ABCA4: variants seen among roughly 807,000 people sequenced by gnomAD.
ABCA4 encodes the protein retinal-specific phospholipid-transporting ATPase ABCA4.
A neutral mutation model predicts 263.7 loss-of-function variants in ABCA4; 196 were observed. The ratio of observed to expected loss-of-function variants is 0.74; its 90% CI spans 0.66 to 0.84. ABCA4 has a LOEUF of 0.84. ABCA4 is among the 40% of genes least tolerant of loss of function. ABCA4 has a pLI of 0.00. For missense variants in ABCA4, 2,792 were observed against 2,855.1 expected (o/e 0.98, Z 0.50); for synonymous variants, 1,133 against 1,094.2 (o/e 1.04, Z -0.70).
intron 6 of ABCA4, among the ~76,000 whole-genome samples, chr1:94,085,417 C>T (rs1264183963): frequency 1.3e-5 from 2 of 152,294 alleles, no homozygotes; most frequent in Middle Eastern, 3.4e-3. Context: ...AATAAATTGT[C>T]GAATGAGCAA....
intron 26 of ABCA4, among the ~76,000 whole-genome samples, chr1:94,036,526 G>A (rs577953865): frequency 2.6e-5 from 4 of 151,914 alleles, no homozygotes; most frequent in Non-Finnish European, 5.9e-5. Flanking sequence ...ACAGGTGCGC[G>A]CCACCACACC....
chr1:94,042,716 G>T lies in ABCA4; in HGVS notation c.3328+45C>A. On this transcript the variant is annotated intron_variant, in intron 22 of 49. Coordinates refer to ENST00000370225, the MANE Select transcript of ABCA4 (RefSeq NM_000350.3). ...TGAGAGAGTGGGGACCACAGCTAGG[G>T]CTGCAGTGAGAGCCCAGCCCAGGAG... 3 of 1,613,792 alleles carry T rather than the reference G, an allele frequency of 1.9e-6. No homozygotes were observed. The South Asian group carries it at 3.3e-5, about 18-fold the overall frequency.
In ABCA4 at chr1:94,077,819, A is replaced by G. The variant is rs1202256523; in HGVS notation, c.1425T>C (p.Ala475=). 3 of 1,614,222 alleles carry G rather than the reference A, an allele frequency of 1.9e-6. No homozygotes were observed. The change falls in exon 11 of 50, where the codon GCT becomes GCC. Residue 475 remains alanine, a synonymous_variant. Transcript: ENST00000370225. ...NRQLGEEGIT[A]EAILNFLYKG... ...TGTAGAGGAAGTTTAGGATGGCTTC[A>G]GCAGTAATACCTTCTTCACCAAGCT...
chr1:94,030,086 G>A (rs769586629), intron 29 of ABCA4, among the ~76,000 whole-genome samples: 3 of 152,186 alleles, frequency 2.0e-5, no homozygotes, highest in Non-Finnish European at 4.4e-5. Flanking sequence ...TGTCACTCAC[G>A]CCATTCAAGG....
chr1:94,002,027 C>G (rs1229311951), intron 44 of ABCA4, 35 bp from the exon 45 acceptor site: 6 of 1,614,002 alleles, frequency 3.7e-6, no homozygotes, highest in Non-Finnish European at 4.2e-6. Flanking sequence ...TTGGAGAAGA[C>G]AAGCAAACAC....
At chr1:94,120,383 T>A (rs1662916070) in intron 1 of ABCA4, among the ~76,000 whole-genome samples, 1 of 152,198 alleles carries the variant, frequency 6.6e-6, no homozygotes, top group African/African-American at 2.4e-5. Context: ...ACGTATTGCA[T>A]CTCACAGAAT....
chr1:94,042,067 C>G (rs536328515), intron 22 of ABCA4, among the ~76,000 whole-genome samples: 1 of 142,242 alleles, frequency 7.0e-6, no homozygotes, highest in Non-Finnish European at 1.5e-5. Context: ...CCACTGCACT[C>G]CAGCCTGCGC....
At chr1:93,993,346 G>T in intron 49 of ABCA4, 104 bp from the exon 50 acceptor site, 1 of 1,464,470 alleles carries the variant, frequency 6.8e-7, no homozygotes, top group Non-Finnish European at 9.5e-7. Context: ...TTTCTGAAGG[G>T]CACTCAGCTG....
In ABCA4 at chr1:94,099,724, A is replaced by T. The variant is rs149649475; in HGVS notation, c.571-733T>A. Reference sequence around the variant, plus strand: ...TAGTACAAATATGTCCCAAATAGGGACCGAATAGAACACAATTATTTGAAA... The same window carrying T: ...TAGTACAAATATGTCCCAAATAGGGTCCGAATAGAACACAATTATTTGAAA... On this transcript the variant is annotated intron_variant, in intron 5 of 49. Coordinates refer to ENST00000370225, the MANE Select transcript of ABCA4 (RefSeq NM_000350.3). Among the ~76,000 whole-genome samples the T allele has an allele frequency of 3.0e-4, 45 of 152,282 alleles. 1 individual carries two copies. The highest frequency in any genetic ancestry group is 3.4e-3 in the Middle Eastern group (1 of 294).
In ABCA4 at chr1:94,060,654, T is replaced by A; in HGVS notation, c.2043A>T (p.Arg681=). ...CCTGATTTTTCAAGGTCTCCTTCAG[T>A]CGCAACTCCTTCTCCAAGACGATGC... ...VKSIVLEKEL[R]LKETLKNQGV... Residue 681 remains arginine, a synonymous_variant, in exon 14 of 50, where the codon CGA becomes CGT. Transcript: ENST00000370225. The A allele has an allele frequency of 6.2e-7, 1 of 1,614,130 alleles. No homozygotes were observed. Among genetic ancestry groups the A allele is most frequent in the South Asian group, 1.1e-5 (1 of 91,072 alleles).
chr1:94,099,866 T>G (rs1203276201), intron 5 of ABCA4, among the ~76,000 whole-genome samples: 1 of 152,186 alleles, frequency 6.6e-6, no homozygotes, highest in African/African-American at 2.4e-5. Context: ...AGCTCAAGGA[T>G]AGTGGTTCTT....
intron 6 of ABCA4, among the ~76,000 whole-genome samples, chr1:94,084,264 G>A (rs1661778125): frequency 6.6e-6 from 1 of 152,238 alleles, no homozygotes; most frequent in Non-Finnish European, 1.5e-5. Flanking sequence ...AAAGACAGTG[G>A]TTTTCCAACT....
At chr1:93,999,748 A>G (rs1483271901) in intron 47 of ABCA4, among the ~76,000 whole-genome samples, 1 of 152,036 alleles carries the variant, frequency 6.6e-6, no homozygotes, top group Non-Finnish European at 1.5e-5. Context: ...CAGAAAACTC[A>G]CCATCCCTCC....
At chr1:94,015,023 C>T (rs150646527) in intron 37 of ABCA4, among the ~76,000 whole-genome samples, 26 of 152,260 alleles carry the variant, frequency 1.7e-4, no homozygotes, top group African/African-American at 6.3e-4. Flanking sequence ...TCAGCAAAGC[C>T]CAGCTGAGGT....
intron 5 of ABCA4, 124 bp downstream of exon 5, chr1:94,102,891 A>T: frequency 7.3e-7 from 1 of 1,360,628 alleles, no homozygotes; most frequent in Non-Finnish European, 1.0e-6. Context: ...ACAAGGCATT[A>T]AGTGATGGAT....
chr1:94,014,973 A>T (rs3818778), intron 37 of ABCA4, among the ~76,000 whole-genome samples: 1 of 152,052 alleles, frequency 6.6e-6, no homozygotes, highest in East Asian at 1.9e-4. Context: ...AATTCATAGG[A>T]GGGTTCTCCA....
chr1:94,076,755 A>G (rs1396275286), intron 11 of ABCA4, among the ~76,000 whole-genome samples: 1 of 152,210 alleles, frequency 6.6e-6, no homozygotes, highest in African/African-American at 2.4e-5. Flanking sequence ...GCCTGGGCCA[A>G]CAGAGGCTGG....
chr1:94,025,050 T>G lies in ABCA4; in HGVS notation c.4540-2A>C. ...AATTTCCGTGCTGCGCTGTGTTCTCTGAGGCAATGAGACACCCACGTTAAT... is the reference window on the plus strand; with the variant it reads ...AATTTCCGTGCTGCGCTGTGTTCTCGGAGGCAATGAGACACCCACGTTAAT... On this transcript the variant is annotated splice_acceptor_variant, in intron 30 of 49. Transcript: ENST00000370225. LOFTEE classifies it high-confidence loss of function. 6.2e-7 allele frequency: 1 copy of G among 1,613,668 alleles called. No homozygotes were observed. Among genetic ancestry groups the G allele is most frequent in the African/African-American group, 1.3e-5 (1 of 75,052 alleles).
chr1:94,042,674 A>G (rs1660524629), intron 22 of ABCA4, 87 bp downstream of exon 22: 2 of 1,572,368 alleles, frequency 1.3e-6, no homozygotes, highest in Non-Finnish European at 1.7e-6. Context: ...TCCTGTACTC[A>G]GCTACAAAAT....
Sources: allele counts gnomAD v4.1 joint callset (sites outside exome capture counted in the v4.1 genomes callset), GRCh38; gene constraint gnomAD v4.1.1; transcripts MANE v1.5; gene names NCBI Gene and HGNC (gene_info 2026-07-23, HGNC 2026-07-21).